Variants in RPH3AL observed in about 807,000 individuals in gnomAD.
RPH3AL encodes the protein rabphilin 3A like (without C2 domains).
RPH3AL carries 38 observed loss-of-function variants against 43.1 expected under a neutral mutation model. The ratio of observed to expected loss-of-function variants is 0.88; its 90% CI spans 0.68 to 1.15. RPH3AL has a LOEUF of 1.15. Among genes scored for constraint, RPH3AL ranks in the 50% most tolerant of loss-of-function variants. The pLI is 0.00. For missense variants in RPH3AL, 462 were observed against 423.2 expected, an observed-to-expected ratio of 1.09 and a Z score of -0.81; for synonymous variants, 189 against 176.3, an observed-to-expected ratio of 1.07 and a Z score of -0.57.
chr17:242,000 C>T (rs1597911223), intron 7 of RPH3AL, among the ~76,000 whole-genome samples: 1 of 151,974 alleles, frequency 6.6e-6, no homozygotes, highest in Non-Finnish European at 1.5e-5. Flanking sequence ...GCCTGTAATC[C>T]CAGCTATTCA....
intron 6 of RPH3AL, among the ~76,000 whole-genome samples, chr17:271,056 T>C (rs1394094281): frequency 6.6e-6 from 1 of 152,222 alleles, no homozygotes; most frequent in African/African-American, 2.4e-5. Context: ...TTCTTGTTTT[T>C]GTCAGGTTTG....
At chr17:247,933 C>T (rs2041805558) in intron 6 of RPH3AL, among the ~76,000 whole-genome samples, 1 of 152,174 alleles carries the variant, frequency 6.6e-6, no homozygotes, top group African/African-American at 2.4e-5. Context: ...ACCTCCCGGG[C>T]ACCTTCTCTC....
At chr17:284,747 C>T (rs1442273158) in intron 5 of RPH3AL, among the ~76,000 whole-genome samples, 2 of 152,214 alleles carry the variant, frequency 1.3e-5, no homozygotes, top group African/African-American at 4.8e-5. Flanking sequence ...CCATCGTAGT[C>T]AGCTTAGGCT....
At chr17:301,039 A>G (rs72806046) in intron 5 of RPH3AL, among the ~76,000 whole-genome samples, 21,524 of 152,196 alleles carry the variant, frequency 0.14, 1,652 homozygotes, top group African/African-American at 0.2. Flanking sequence ...GCCAATGCAA[A>G]GGTGGGACAG....
intron 1 of RPH3AL, chr17:338,591 C>T (rs1180214712): frequency 6.6e-6 from 1 of 152,168 alleles, no homozygotes; most frequent in Non-Finnish European, 1.5e-5. Context: ...CACTCTCTGC[C>T]CAGAAAATGC....
intron 6 of RPH3AL, among the ~76,000 whole-genome samples, chr17:247,914 C>T (rs185290734): frequency 3.7e-4 from 56 of 152,160 alleles, no homozygotes; most frequent in South Asian, 1.9e-3. Context: ...ACTTCCTTCC[C>T]GCCAGCTGAC....
chr17:229,998 C>G (rs904827506), intron 7 of RPH3AL, among the ~76,000 whole-genome samples: 1 of 152,166 alleles, frequency 6.6e-6, no homozygotes, highest in African/African-American at 2.4e-5. Context: ...CCTGACCACC[C>G]CTGACAGCCA....
intron 6 of RPH3AL, among the ~76,000 whole-genome samples, chr17:258,298 G>C (rs138493958): frequency 3.3e-5 from 5 of 152,304 alleles, no homozygotes; most frequent in African/African-American, 1.2e-4. Flanking sequence ...CACATCGTAG[G>C]TGTTCAGTAA....
At chr17:275,989 T>C (rs534612269) in intron 6 of RPH3AL, among the ~76,000 whole-genome samples, 197 of 152,374 alleles carry the variant, frequency 1.3e-3, no homozygotes, top group Non-Finnish European at 2.4e-3. Context: ...AATGGAGCTC[T>C]GAGCTAAGCA....
In RPH3AL at chr17:281,814, T is replaced by G. The variant is rs746832342; in HGVS notation, c.392A>C (p.Gln131Pro). Residue 131 changes from glutamine (Q) to proline (P), a missense_variant, in exon 6 of 10, where the codon CAG becomes CCG. Physicochemically the swap from Gln to Pro is moderately conservative, Grantham distance 76. Coordinates refer to ENST00000331302, the MANE Select transcript of RPH3AL (RefSeq NM_006987.4). ...CTTACACAGCCACAGGGGCCGCTTC[T>G]GGCCAGGGGAGGCCTCGATCCCACA... ...TKCGIEASPG[Q>P]KRPLWLCKIC... 1 of 1,614,060 alleles carries G rather than the reference T, an allele frequency of 6.2e-7. No homozygotes were observed. The highest frequency in any genetic ancestry group is 1.7e-5 in the Admixed American group (1 of 60,008).
In RPH3AL at chr17:289,096, C is replaced by T. The variant is rs934467885; in HGVS notation, c.352-7242G>A. Among the ~76,000 whole-genome samples, 1 of 152,124 alleles carries T rather than the reference C, an allele frequency of 6.6e-6. No homozygotes were observed. The highest frequency in any genetic ancestry group is 2.4e-5 in the African/African-American group (1 of 41,434). On this transcript the variant is annotated intron_variant, in intron 5 of 9. Transcript: ENST00000331302. This position sits in a 1 kb window ranked among gnomAD's most constrained non-coding sequence, Gnocchi z 5.2. The stretch of plus-strand genomic sequence containing the variant: ...TTGGGGCAGGAGAGAGCAGGGTGTG[C>T]CGTTTAGAGGTGAACTTGGACTCGG...
intron 7 of RPH3AL, among the ~76,000 whole-genome samples, chr17:223,116 G>C (rs915879247): frequency 1.3e-5 from 2 of 152,034 alleles, no homozygotes; most frequent in African/African-American, 4.8e-5. Flanking sequence ...CTTGAACCTG[G>C]GAGGCGGAGG....
intron 5 of RPH3AL, among the ~76,000 whole-genome samples, chr17:286,441 G>C (rs1403728241): frequency 1.2e-5 from 1 of 81,358 alleles, no homozygotes; most frequent in Non-Finnish European, 2.6e-5. Context: ...GGCTGGCAGG[G>C]GGCAGGGGGC....
At position 328,352 on chromosome 17, in the gene RPH3AL, G is replaced by T. The variant is rs957325979; in HGVS notation, c.-36-773C>A. ...AAGGGAGTGTGGGATGAGGCCGAGG[G>T]TATCTGAATCCCAGAGCAAGGAGGA... On this transcript the variant is annotated intron_variant, in intron 2 of 9. Transcript: ENST00000331302. This position sits in a 1 kb window ranked among gnomAD's most constrained non-coding sequence, Gnocchi z 4.2. 2.6e-5 allele frequency among the ~76,000 whole-genome samples: 4 copies of T among 151,690 alleles called. No homozygotes were observed. Among genetic ancestry groups the T allele is most frequent in the Non-Finnish European group, 5.9e-5 (4 of 67,952 alleles).
chr17:308,423 G>A (rs138598296), intron 5 of RPH3AL, among the ~76,000 whole-genome samples: 16 of 152,342 alleles, frequency 1.1e-4, no homozygotes, highest in East Asian at 5.8e-4. Flanking sequence ...CAGAACTGCC[G>A]TATGATTCAG....
rs185216531 is a variant in RPH3AL at position 290,454 on chromosome 17, G to A, written c.352-8600C>T. Reference sequence around the variant, plus strand: ...ACGGCTCCTGCCTGCCTCCCCCGGGGTGCGTGCCGCGGCCGCCTATGTGTG... The same window carrying A: ...ACGGCTCCTGCCTGCCTCCCCCGGGATGCGTGCCGCGGCCGCCTATGTGTG... On this transcript the variant is annotated intron_variant, in intron 5 of 9. Coordinates refer to ENST00000331302, the MANE Select transcript of RPH3AL (RefSeq NM_006987.4). The surrounding 1 kb of genome is among the most constrained non-coding windows in gnomAD (Gnocchi z 4.2). Among the ~76,000 whole-genome samples, 1 of 152,254 alleles carries A rather than the reference G, an allele frequency of 6.6e-6. No homozygotes were observed. The highest frequency in any genetic ancestry group is 1.9e-4 in the East Asian group (1 of 5,166).
At chr17:269,124 C>T (rs1033838325) in intron 6 of RPH3AL, among the ~76,000 whole-genome samples, 4 of 152,108 alleles carry the variant, frequency 2.6e-5, no homozygotes, top group Non-Finnish European at 4.4e-5. Flanking sequence ...ATAATCCGCC[C>T]GCCTTGGCTT....
At chr17:292,934 A>T (rs1226677486) in intron 5 of RPH3AL, among the ~76,000 whole-genome samples, 1 of 152,234 alleles carries the variant, frequency 6.6e-6, no homozygotes, top group Non-Finnish European at 1.5e-5. Context: ...GCCGGGTCTG[A>T]GACAGAAGCC....
At chr17:244,210 A>ACCTTCCTCTACTGATTAC (rs1567579087) in intron 7 of RPH3AL, among the ~76,000 whole-genome samples, 6 of 126,612 alleles carry the variant, frequency 4.7e-5, no homozygotes, top group Non-Finnish European at 8.4e-5. Context: ...TCTATTGATC[A>ACCTTCCTCTACTGATTAC]CCTTCCTCTA....
Sources: gnomAD v4.1 joint callset for allele counts (sites outside exome capture counted in the v4.1 genomes callset) on GRCh38, gnomAD v4.1.1 for gene constraint, Gnocchi (gnomAD v3.1) non-coding constraint, MANE v1.5 for transcripts, NCBI Gene and HGNC (gene_info 2026-07-23, HGNC 2026-07-21) for gene names.